The following VAV3 variants were observed in gnomAD, a reference collection of about 807,000 sequenced individuals.
The protein encoded by VAV3 is vav guanine nucleotide exchange factor 3, also known as guanine nucleotide exchange factor VAV3.
Under a neutral mutation model 131.2 loss-of-function variants are expected in VAV3, and 94 were observed. That is an observed-to-expected ratio of 0.72 (90% CI 0.61 to 0.85). The LOEUF (loss-of-function observed/expected upper bound fraction) is 0.85, where lower values mean the gene tolerates loss of function less well. VAV3 is among the 40% of genes least tolerant of loss of function. The probability of loss-of-function intolerance (pLI) is 0.00; values close to 1 mark genes in which losing one functional copy is unlikely to be tolerated. For synonymous variants in VAV3, 349 were observed against 342.0 expected (o/e 1.02, Z -0.22); for missense variants, 939 against 1,002.7 (o/e 0.94, Z 0.86).
intron 2 of VAV3, among the ~76,000 whole-genome samples, chr1:107,828,546 T>C (rs1668111545): frequency 6.6e-6 from 1 of 152,168 alleles, no homozygotes; most frequent in Admixed American, 6.5e-5. Flanking sequence ...GTAGTATCCC[T>C]TTCTGGAGAT....
At chr1:107,910,602 T>A (rs1196716985) in intron 1 of VAV3, among the ~76,000 whole-genome samples, 1 of 152,248 alleles carries the variant, frequency 6.6e-6, no homozygotes, top group African/African-American at 2.4e-5. Flanking sequence ...CTGTATTTCA[T>A]CACAATGGAT....
chr1:107,921,121 T>C (rs1438842219), intron 1 of VAV3, among the ~76,000 whole-genome samples: 1 of 152,220 alleles, frequency 6.6e-6, no homozygotes, highest in Admixed American at 6.5e-5. Context: ...AATCCTTCAG[T>C]GGCTTCCTGC....
intron 2 of VAV3, among the ~76,000 whole-genome samples, chr1:107,789,740 C>G (rs1487548815): frequency 2.6e-5 from 4 of 152,168 alleles, no homozygotes; most frequent in African/African-American, 9.6e-5. Flanking sequence ...AATATACAAC[C>G]AGGTAAAAAT....
intron 17 of VAV3, among the ~76,000 whole-genome samples, chr1:107,699,887 G>A (rs1209649893): frequency 6.6e-6 from 1 of 152,082 alleles, no homozygotes; most frequent in East Asian, 1.9e-4. Context: ...ATTAGTGAGA[G>A]GAAACATCAC....
At chr1:107,688,516 T>C in intron 17 of VAV3, 110 bp from the exon 18 acceptor site, 1 of 1,569,794 alleles carries the variant, frequency 6.4e-7, no homozygotes, top group South Asian at 1.2e-5. Flanking sequence ...TTTTCTTAAC[T>C]GATACCTGTA....
At chr1:107,638,270 G>A (rs528871211) in intron 20 of VAV3, among the ~76,000 whole-genome samples, 1 of 152,138 alleles carries the variant, frequency 6.6e-6, no homozygotes, top group Non-Finnish European at 1.5e-5. Context: ...ATAAAACATG[G>A]TGTCTATATT....
intron 2 of VAV3, among the ~76,000 whole-genome samples, chr1:107,847,440 G>C (rs531472423): frequency 4.0e-5 from 6 of 151,746 alleles, no homozygotes; most frequent in African/African-American, 1.5e-4. Context: ...AAATGAAGGA[G>C]ATAGAGATAC....
intron 25 of VAV3, among the ~76,000 whole-genome samples, chr1:107,582,168 G>T (rs750141426): frequency 2.2e-4 from 34 of 152,138 alleles, no homozygotes; most frequent in Non-Finnish European, 4.1e-4. Flanking sequence ...ATGCTTTGAT[G>T]AGCAGTCTAG....
At chr1:107,864,595 C>G (rs552913528) in intron 2 of VAV3, among the ~76,000 whole-genome samples, 50 of 152,144 alleles carry the variant, frequency 3.3e-4, no homozygotes, top group Non-Finnish European at 5.7e-4. Flanking sequence ...TGCACTCCAG[C>G]CTAGGCATGG....
chr1:107,574,295 A>G, intron 25 of VAV3, 97 bp from the exon 26 acceptor site: 1 of 1,449,186 alleles, frequency 6.9e-7, no homozygotes, highest in South Asian at 1.4e-5. Context: ...TCAAATGCAC[A>G]GTCGTGATTT....
chr1:107,611,871 G>T (rs1652762026), intron 21 of VAV3, among the ~76,000 whole-genome samples: 2 of 152,056 alleles, frequency 1.3e-5, no homozygotes, highest in Non-Finnish European at 2.9e-5. Flanking sequence ...CTCAGGTGGG[G>T]TCCTATCCTT....
intron 20 of VAV3, among the ~76,000 whole-genome samples, chr1:107,640,151 C>T (rs972101292): frequency 3.9e-5 from 6 of 151,978 alleles, no homozygotes. Flanking sequence ...TATGTCCATA[C>T]AAAGAATTAT....
intron 1 of VAV3, among the ~76,000 whole-genome samples, chr1:107,926,090 G>C (rs992933792): frequency 6.6e-6 from 1 of 151,892 alleles, no homozygotes; most frequent in Non-Finnish European, 1.5e-5. Flanking sequence ...GACCAGCCTG[G>C]CCAACATGGT....
At chr1:107,833,554 A>C (rs1447740873) in intron 2 of VAV3, among the ~76,000 whole-genome samples, 1 of 151,948 alleles carries the variant, frequency 6.6e-6, no homozygotes, top group Non-Finnish European at 1.5e-5. Flanking sequence ...AAATTTTAGA[A>C]ATTTTTTTTT....
At chr1:107,882,684 G>A (rs72689621) in intron 1 of VAV3, among the ~76,000 whole-genome samples, 4,655 of 152,064 alleles carry the variant, frequency 0.031, 102 homozygotes, top group Middle Eastern at 0.11. Context: ...ACATCTCCTA[G>A]AAATTTAATA....
At chr1:107,789,432 T>G (rs78269015) in intron 2 of VAV3, among the ~76,000 whole-genome samples, 138 of 152,334 alleles carry the variant, frequency 9.1e-4, no homozygotes, top group African/African-American at 3.2e-3. Context: ...GCCTCAGGAC[T>G]GCTCAAAGAA....
chr1:107,881,375 T>C (rs949448876), intron 1 of VAV3, among the ~76,000 whole-genome samples: 11 of 152,188 alleles, frequency 7.2e-5, no homozygotes, highest in Non-Finnish European at 1.3e-4. Context: ...CTCTCTGCCT[T>C]GGGCACTGGA....
chr1:107,591,993 TAC>T (rs1384803113), intron 25 of VAV3, among the ~76,000 whole-genome samples: 5 of 152,210 alleles, frequency 3.3e-5, no homozygotes, highest in African/African-American at 1.2e-4. Context: ...GCAACATATA[TAC>T]ACACATATTT....
chr1:107,786,890 T>G (rs1225470240), intron 2 of VAV3, among the ~76,000 whole-genome samples: 1 of 152,194 alleles, frequency 6.6e-6, no homozygotes, highest in Non-Finnish European at 1.5e-5. Context: ...ATATCATGTT[T>G]TATTCAGTGG....
Sources: gnomAD v4.1 joint callset for allele counts (sites outside exome capture counted in the v4.1 genomes callset) on GRCh38, gnomAD v4.1.1 for gene constraint, MANE v1.5 for transcripts, NCBI Gene and HGNC (gene_info 2026-07-23, HGNC 2026-07-21) for gene names.